Variants in CDC42EP1 observed in about 807,000 individuals in gnomAD.
CDC42EP1 encodes 55 kDa bone marrow stromal/endothelial cell protein.
Under a neutral mutation model 7.4 loss-of-function variants are expected in CDC42EP1, and 6 were observed. The ratio of observed to expected loss-of-function variants is 0.81; its 90% CI spans 0.44 to 1.60. The LOEUF is 1.60. CDC42EP1 is among the 40% of genes most tolerant of loss of function. CDC42EP1 has a pLI of 0.01. For synonymous variants in CDC42EP1, 238 were observed against 227.1 expected, an observed-to-expected ratio of 1.05 and a Z score of -0.43; for missense variants, 567 against 539.0, an observed-to-expected ratio of 1.05 and a Z score of -0.51.
In CDC42EP1 at chr22:37,568,643, G is replaced by C. The variant is rs1925361959; in HGVS notation, c.999G>C (p.Glu333Asp). The C allele has an allele frequency of 6.3e-6, 10 of 1,579,064 alleles. No individual in the cohort carries two copies. The highest frequency in any genetic ancestry group is 8.6e-6 in the Non-Finnish European group (10 of 1,161,456). Reference sequence around the variant, plus strand: ...GGGATGGCGGCCACCACTACCCAGAGATGGATGCGCGGCAGGAGCGGGTGG... The same window carrying C: ...GGGATGGCGGCCACCACTACCCAGACATGGATGCGCGGCAGGAGCGGGTGG... Reference protein sequence around the residue: ...AGWDGGHHYPEMDARQERVEV... With the variant: ...AGWDGGHHYPDMDARQERVEV... Residue 333 changes from glutamate to aspartate, a missense_variant, in exon 3 of 3, where the codon GAG (glutamate) becomes GAC (aspartate). By Grantham distance (45) the Glu-to-Asp change is conservative. Coordinates refer to ENST00000249014, the MANE Select transcript of CDC42EP1 (RefSeq NM_152243.3).
chr22:37,566,312 G>A lies in CDC42EP1; in HGVS notation c.-38G>A. ...AGCCCACCTCCCTCCCCCGGCCCCT[G>A]GTAGGCATGGACTAGCAGCTGTGAG... On this transcript the variant is annotated 5_prime_UTR_variant, in exon 2 of 3. Coordinates refer to ENST00000249014, the MANE Select transcript of CDC42EP1 (RefSeq NM_152243.3). This position sits in a 1 kb window ranked among gnomAD's most constrained non-coding sequence, Gnocchi z 6.4. The A allele has an allele frequency of 1.2e-6, 1 of 833,064 alleles. No homozygotes were observed. Among genetic ancestry groups the A allele is most frequent in the Non-Finnish European group, 1.6e-6 (1 of 617,000 alleles). 51.6% of individuals were successfully genotyped at this position (833,064 alleles called of 1,614,324 possible). A position where few individuals can be genotyped will look rare whatever the true frequency, so the allele number is the denominator to read the frequency against.
chr22:37,561,050 C>G (rs1008095732), intron 1 of CDC42EP1, among the ~76,000 whole-genome samples: 2 of 152,110 alleles, frequency 1.3e-5, no homozygotes, highest in African/African-American at 2.4e-5. Flanking sequence ...CCCCGACCGC[C>G]GCATTCCAGG....
In CDC42EP1 at chr22:37,568,268, C is replaced by T. The variant is rs146373289; in HGVS notation, c.624C>T (p.Ser208=). ...TCGACCTTGGGCCCTCACTCCTCAG[C>T]GAGCTGCTAGGGGTCATGAGCCTCC... ...LDLDLGPSLL[S]ELLGVMSLPE... Residue 208 remains serine (S), a synonymous_variant, in exon 3 of 3, where the codon AGC becomes AGT. Transcript: ENST00000249014. The T allele has an allele frequency of 4.1e-5, 66 of 1,613,468 alleles. No individual in the cohort carries two copies. In the East Asian group the frequency reaches 6.7e-4, roughly 16 times the overall value.
intron 2 of CDC42EP1, among the ~76,000 whole-genome samples, chr22:37,567,318 A>G (rs1057505611): frequency 2.6e-5 from 4 of 152,158 alleles, no homozygotes; most frequent in Non-Finnish European, 1.5e-5. Flanking sequence ...GATACTTAGT[A>G]GGTGCTCAGG....
chr22:37,562,346 G>T (rs1925074194), intron 1 of CDC42EP1, among the ~76,000 whole-genome samples: 1 of 152,214 alleles, frequency 6.6e-6, no homozygotes, highest in Admixed American at 6.5e-5. Context: ...GACACTTGGA[G>T]CCCTGCTTAC....
intron 1 of CDC42EP1, 31 bp downstream of exon 1, chr22:37,560,619 CGGAGGCCGT>C (rs1924999208): frequency 6.7e-6 from 1 of 149,910 alleles, no homozygotes; most frequent in African/African-American, 2.4e-5. Flanking sequence ...GTCCTCGGGG[CGGAGGCCGT>C]GGAGGCCGGC....
At chr22:37,567,592 C>T (rs572658434) in intron 2 of CDC42EP1, among the ~76,000 whole-genome samples, 9 of 152,316 alleles carry the variant, frequency 5.9e-5, no homozygotes, top group African/African-American at 2.2e-4. Context: ...CCGATTCTGT[C>T]TCAGGTCTGT....
Position 37,566,492 on chromosome 22 carries a change from C to A in CDC42EP1, c.143C>A (p.Thr48Asn), listed in dbSNP as rs368470734. ...ISHPLGDFRHTMHVGRGGDVF... is the reference protein window; with the variant it reads ...ISHPLGDFRHNMHVGRGGDVF... ...CACCCACTCGGGGACTTCCGCCACA[C>A]CATGCATGTGGGCCGTGGCGGGGAT... is the stretch of plus-strand genomic sequence containing the variant. The change falls in exon 2 of 3, where the codon ACC becomes AAC. Residue 48 changes from threonine to asparagine, a missense_variant. By Grantham distance (65) the Thr-to-Asn change is moderately conservative. Coordinates refer to ENST00000249014, the MANE Select transcript of CDC42EP1 (RefSeq NM_152243.3). The surrounding 1 kb of genome is among the most constrained non-coding windows in gnomAD (Gnocchi z 6.4). 6.2e-7 allele frequency: 1 copy of A among 1,613,366 alleles called. No homozygotes were observed. The highest frequency in any genetic ancestry group is 1.1e-5 in the South Asian group (1 of 90,928).
chr22:37,561,109 C>T (rs1021680720), intron 1 of CDC42EP1, among the ~76,000 whole-genome samples: 1 of 152,170 alleles, frequency 6.6e-6, no homozygotes, highest in African/African-American at 2.4e-5. Context: ...CCGGCCAAGA[C>T]AGCCGGTCGT....
rs771349775 is a variant in CDC42EP1 at position 37,568,293 on chromosome 22, C to G, written c.649C>G (p.Pro217Ala). Residue 217 changes from proline (P) to alanine (A), a missense_variant, in exon 3 of 3, where the codon CCA (proline) becomes GCA (alanine). Physicochemically the swap from Pro to Ala is conservative, Grantham distance 27 (BLOSUM62 -1). Transcript: ENST00000249014. ...LSELLGVMSL[P>A]EAPAAETPAP... ...CGAGCTGCTAGGGGTCATGAGCCTCCCAGAAGCCCCTGCAGCTGAGACTCC... is the reference window on the plus strand; with the variant it reads ...CGAGCTGCTAGGGGTCATGAGCCTCGCAGAAGCCCCTGCAGCTGAGACTCC... The G allele has an allele frequency of 6.8e-6, 11 of 1,613,130 alleles. No homozygotes were observed. In the East Asian group the frequency reaches 2.5e-4, roughly 36 times the overall value.
intron 1 of CDC42EP1, among the ~76,000 whole-genome samples, chr22:37,565,185 CTTTTTTTTTTTT>C (rs67228684): frequency 1.1e-5 from 1 of 90,910 alleles, no homozygotes; most frequent in East Asian, 2.8e-4. Context: ...TTTTTTTTTC[CTTTTTTTTTTTT>C]TTTTTTTTGA....
chr22:37,564,767 A>G (rs1925165878), intron 1 of CDC42EP1, among the ~76,000 whole-genome samples: 1 of 152,000 alleles, frequency 6.6e-6, no homozygotes, highest in African/African-American at 2.4e-5. Context: ...TGCCCTCAGG[A>G]GTAATGTTTT....
intron 1 of CDC42EP1, among the ~76,000 whole-genome samples, chr22:37,564,924 G>A (rs985101923): frequency 8.6e-5 from 13 of 151,534 alleles, no homozygotes; most frequent in Admixed American, 2.0e-4. Context: ...GATTACAGGC[G>A]CCCGCCACTA....
At position 37,560,562 on chromosome 22, in the gene CDC42EP1, C is replaced by A. The variant is rs1346868064; in HGVS notation, c.-305C>A. The A allele has an allele frequency of 2.0e-5, 3 of 150,170 alleles. No individual in the cohort carries two copies. Among genetic ancestry groups the A allele is most frequent in the Non-Finnish European group, 1.5e-5 (1 of 67,156 alleles). 9.3% of individuals were successfully genotyped at this position (150,170 alleles called of 1,614,324 possible). Reference sequence around the variant, plus strand: ...TGCAGACGACGAGTCCGCCCTCGTCCCGCGCCCCCGGGGCTCGCGGAGCCA... The same window carrying A: ...TGCAGACGACGAGTCCGCCCTCGTCACGCGCCCCCGGGGCTCGCGGAGCCA... On this transcript the variant is annotated 5_prime_UTR_variant, in exon 1 of 3. Transcript: ENST00000249014.
At position 37,566,623 on chromosome 22, in the gene CDC42EP1, G is replaced by GT. The variant is rs1019471800; in HGVS notation, c.275dup (p.Ala94GlyfsTer81). 1 of 1,596,154 alleles carries GT rather than the reference G, an allele frequency of 6.3e-7. No homozygotes were observed. The highest frequency in any genetic ancestry group is 1.3e-5 in the African/African-American group (1 of 74,754). ...CAAGAAGCTGCAGCTGGTGCGGAGG[G>GT]TGGGGGCGCCCCCCCGGAGGATGGC... On this transcript the variant is annotated frameshift_variant, in exon 2 of 3. Transcript: ENST00000249014. LOFTEE classifies it high-confidence loss of function. This position sits in a 1 kb window ranked among gnomAD's most constrained non-coding sequence, Gnocchi z 6.4.
intron 1 of CDC42EP1, chr22:37,563,514 G>A (rs1186932690): frequency 6.6e-6 from 1 of 152,246 alleles, no homozygotes; most frequent in South Asian, 2.1e-4. Context: ...CGAGGGGGAG[G>A]AGTTAGGGTT....
In CDC42EP1 at chr22:37,562,140, C is replaced by A. The variant is rs976897576; in HGVS notation, c.-279+1552C>A. Among the ~76,000 whole-genome samples the A allele has an allele frequency of 3.9e-5, 6 of 152,360 alleles. No homozygotes were observed. The East Asian group carries it at 1.2e-3, about 29-fold the overall frequency. On this transcript the variant is annotated intron_variant, in intron 1 of 2. Transcript: ENST00000249014. ...CCACACCGGGCTCAGCACTGGGCATCCAAGCCCTCCAAATCGTCTTCCCCA... is the reference window on the plus strand; with the variant it reads ...CCACACCGGGCTCAGCACTGGGCATACAAGCCCTCCAAATCGTCTTCCCCA...
At chr22:37,564,146 G>A (rs964424735) in intron 1 of CDC42EP1, among the ~76,000 whole-genome samples, 5 of 152,084 alleles carry the variant, frequency 3.3e-5, no homozygotes, top group African/African-American at 1.2e-4. Flanking sequence ...AAAAGCATAG[G>A]ATCACAGGTG....
rs2145805258 is a variant in CDC42EP1, at chr22:37,560,525, G to A, written c.-342G>A. 6.7e-6 allele frequency: 1 copy of A among 149,922 alleles called. No homozygotes were observed. The highest frequency in any genetic ancestry group is 1.5e-5 in the Non-Finnish European group (1 of 67,118). 9.3% of individuals were successfully genotyped at this position (149,922 alleles called of 1,614,324 possible). On this transcript the variant is annotated 5_prime_UTR_variant, in exon 1 of 3. Coordinates refer to ENST00000249014, the MANE Select transcript of CDC42EP1 (RefSeq NM_152243.3). ...TCCCGGGCTGCCAGCCGGGACGCGC[G>A]GCCGCCGCCGCTGCAGACGACGAGT...
Sources: gnomAD v4.1 joint callset for allele counts (sites outside exome capture counted in the v4.1 genomes callset) on GRCh38, gnomAD v4.1.1 for gene constraint, Gnocchi (gnomAD v3.1) non-coding constraint, MANE v1.5 for transcripts, NCBI Gene and HGNC (gene_info 2026-07-23, HGNC 2026-07-21) for gene names.